The following NTRK1 variants were observed in gnomAD, a reference collection of about 807,000 sequenced individuals.
The protein encoded by NTRK1 is high affinity nerve growth factor receptor.
In NTRK1, 62 loss-of-function variants were observed where a neutral mutation model predicts 86.8. The observed-to-expected ratio is 0.71, with a 90% CI of 0.58 to 0.88. The LOEUF (loss-of-function observed/expected upper bound fraction) is 0.88. NTRK1 is among the 40% of genes least tolerant of loss of function. NTRK1 has a pLI of 0.00. For missense variants in NTRK1, 967 were observed against 1,078.4 expected (o/e 0.90, Z 1.45); for synonymous variants, 469 against 456.6 (o/e 1.03, Z -0.35).
At chr1:156,872,147 A>G (rs933469480) in intron 7 of NTRK1, among the ~76,000 whole-genome samples, 3 of 152,304 alleles carry the variant, frequency 2.0e-5, no homozygotes, top group Non-Finnish European at 4.4e-5. Flanking sequence ...TAATTTCTCT[A>G]GATCAGCCAA....
Position 156,880,116 on chromosome 1 carries a change from A to G in NTRK1, c.2164A>G (p.Thr722Ala), listed in dbSNP as rs762163798. 6.2e-6 allele frequency: 10 copies of G among 1,612,416 alleles called. No homozygotes were observed. Among genetic ancestry groups the G allele is most frequent in the Non-Finnish European group, 8.5e-6 (10 of 1,179,840 alleles). The change falls in exon 16 of 17, where the codon ACC (threonine) becomes GCC (alanine). Residue 722 changes from threonine to alanine, a missense_variant. Physicochemically the swap from Thr to Ala is moderately conservative, Grantham distance 58. Coordinates refer to ENST00000524377, the MANE Select transcript of NTRK1 (RefSeq NM_002529.4). ...SFGVVLWEIF[T>A]YGKQPWYQLS... ...CGGCGTGGTGCTCTGGGAGATCTTC[A>G]CCTACGGCAAGCAGCCCTGGTACCA...
chr1:156,881,077 C>T (rs1032436478), intron 16 of NTRK1, among the ~76,000 whole-genome samples: 1 of 152,172 alleles, frequency 6.6e-6, no homozygotes. Flanking sequence ...TCTTTTCTCT[C>T]TCTGGAGCTG....
At position 156,876,603 on chromosome 1, in the gene NTRK1, G is replaced by A. The variant is rs189859960; in HGVS notation, c.1805+31G>A. On this transcript the variant is annotated intron_variant, in intron 14 of 16. Transcript: ENST00000524377. ...AGCACCTGGCCTCAGCGCTGGCCCC[G>A]GCCCCTGGCTCTGGGCCCCGTCTTC... 239 of 1,595,514 alleles carry A rather than the reference G, an allele frequency of 1.5e-4. 1 individual carries two copies. Among genetic ancestry groups the A allele is most frequent in the East Asian group, 4.5e-5 (2 of 44,098 alleles).
At position 156,852,755 on chromosome 1, in the gene NTRK1, G is replaced by A. The variant is rs141836653; in HGVS notation, c.50+10562G>A. On this transcript the variant is annotated intron_variant, in intron 2 of 16. Transcript: ENST00000392302. ...CACAGTGGTAGCTGGCTGGCTATGGGAGCGATCTGTGGGGTAGGGGTCAGC... is the reference window on the plus strand; with the variant it reads ...CACAGTGGTAGCTGGCTGGCTATGGAAGCGATCTGTGGGGTAGGGGTCAGC... Among the ~76,000 whole-genome samples the A allele has an allele frequency of 9.6e-4, 146 of 152,336 alleles. 1 individual carries two copies. Among genetic ancestry groups the A allele is most frequent in the Non-Finnish European group, 1.6e-3 (112 of 68,012 alleles).
upstream of NTRK1, chr1:156,858,552 G>A: frequency 6.2e-7 from 1 of 1,613,864 alleles, no homozygotes. Context: ...ACTGTATCCA[G>A]GCCAAATCCC....
upstream of NTRK1, chr1:156,858,709 A>G: frequency 9.0e-7 from 1 of 1,116,900 alleles, no homozygotes; most frequent in Non-Finnish European, 1.4e-6. Flanking sequence ...GGACACAGAG[A>G]CCAGGGTTCA....
intron 6 of NTRK1, among the ~76,000 whole-genome samples, chr1:156,869,053 T>TTCCG (rs1647383574): frequency 6.8e-6 from 1 of 147,968 alleles, no homozygotes; most frequent in African/African-American, 2.5e-5. Context: ...CCTTCCTTCC[T>TTCCG]TCCTTCCTTC....
chr1:156,850,116 G>C (rs1655150669), intron 2 of NTRK1, among the ~76,000 whole-genome samples: 1 of 152,064 alleles, frequency 6.6e-6, no homozygotes, highest in South Asian at 2.1e-4. Flanking sequence ...TGCCCAGGCT[G>C]GTCTCTAACT....
In NTRK1 at chr1:156,868,632, G is replaced by A. The variant is rs1482226460; in HGVS notation, c.702G>A (p.Gln234=). Residue 234 remains glutamine, a synonymous_variant, in exon 6 of 17, where the codon CAG becomes CAA. Coordinates refer to ENST00000524377, the MANE Select transcript of NTRK1 (RefSeq NM_002529.4). The stretch of plus-strand genomic sequence containing the variant: ...GCTGGATCCTCACAGAGCTGGAGCA[G>A]TCAGCCACGGTGATGGTGAGAAGAC... The part of the protein sequence containing the change: ...QAGWILTELE[Q]SATVMKSGGL... 1 of 1,550,926 alleles carries A rather than the reference G, an allele frequency of 6.4e-7. No homozygotes were observed. Among genetic ancestry groups the A allele is most frequent in the South Asian group, 1.2e-5 (1 of 84,050 alleles).
Position 156,868,535 on chromosome 1 carries a change from A to G in NTRK1, c.605A>G (p.Asn202Ser), listed in dbSNP as rs1475036463. The change falls in exon 6 of 17, where the codon AAT (asparagine) becomes AGT (serine). Residue 202 changes from asparagine to serine, a missense_variant. Physicochemically the swap from Asn to Ser is conservative, Grantham distance 46. Around this residue, in one of 2 missense-constraint regions of NTRK1, gnomAD observed 330 missense variants for 302.0 expected, o/e 1.09. Coordinates refer to ENST00000524377, the MANE Select transcript of NTRK1 (RefSeq NM_002529.4). ...GVPTLKVQVP[N>S]ASVDVGDDVL... The stretch of plus-strand genomic sequence containing the variant: ...CCCACGCTGAAGGTCCAGGTGCCCA[A>G]TGCCTCGGTGGATGTGGGGGACGAC... The G allele has an allele frequency of 1.9e-5, 29 of 1,559,172 alleles. No individual in the cohort carries two copies. Among genetic ancestry groups the G allele is most frequent in the East Asian group, 4.8e-5 (2 of 41,592 alleles).
chr1:156,844,845 T>G, intron 2 of NTRK1: 1 of 1,613,904 alleles, frequency 6.2e-7, no homozygotes, highest in Non-Finnish European at 8.5e-7. Context: ...CAGCCTCTCC[T>G]GCGGGAAGGG....
chr1:156,843,064 C>T, intron 2 of NTRK1: 1 of 1,614,222 alleles, frequency 6.2e-7, no homozygotes, highest in African/African-American at 1.3e-5. Context: ...CAATGCATTC[C>T]CGTGGGCTGG....
chr1:156,833,470 T>A (rs980361216), intron 1 of NTRK1, among the ~76,000 whole-genome samples: 1 of 152,074 alleles, frequency 6.6e-6, no homozygotes, highest in African/African-American at 2.4e-5. Flanking sequence ...GGCAGGAGAA[T>A]TGCTTGACCC....
Position 156,873,661 on chromosome 1 carries a change from G to A in NTRK1, c.879G>A (p.Ala293=), listed in dbSNP as rs766259168. 17 of 1,610,450 alleles carry A rather than the reference G, an allele frequency of 1.1e-5. No individual in the cohort carries two copies. Among genetic ancestry groups the A allele is most frequent in the East Asian group, 2.2e-5 (1 of 44,838 alleles). The part of the protein sequence containing the change: ...SFPASVQLHT[A]VEMHHWCIPF... ...CGGCCAGTGTGCAGCTGCACACGGC[G>A]GTGGAGATGCACCACTGGTGCATCC... Residue 293 remains alanine, a synonymous_variant, in exon 8 of 17, where the codon GCG becomes GCA. Transcript: ENST00000524377.
chr1:156,847,396 C>T (rs903424570), intron 2 of NTRK1, among the ~76,000 whole-genome samples: 1 of 152,222 alleles, frequency 6.6e-6, no homozygotes, highest in African/African-American at 2.4e-5. Flanking sequence ...GGAAGCATCA[C>T]TGGCTTTAGG....
At chr1:156,852,284 A>G in intron 2 of NTRK1, 1 of 1,263,406 alleles carries the variant, frequency 7.9e-7, no homozygotes. Context: ...TCTTGGGATG[A>G]CACTCAATCT....
chr1:156,878,803 T>C (rs1031253884), intron 14 of NTRK1, among the ~76,000 whole-genome samples: 23 of 151,998 alleles, frequency 1.5e-4, no homozygotes, highest in African/African-American at 5.6e-4. Flanking sequence ...CGAGCTCCAA[T>C]TGGCAAGGGC....
At chr1:156,868,004 C>G in intron 4 of NTRK1, 100 bp from the exon 5 acceptor site, 2 of 1,329,902 alleles carry the variant, frequency 1.5e-6, no homozygotes, top group South Asian at 2.4e-5. Context: ...CTCCCTTTCA[C>G]CTGTAGACGG....
rs770460134 is a variant in NTRK1 at position 156,851,655 on chromosome 1, G to A, written c.50+9462G>A. 23 of 1,614,208 alleles carry A rather than the reference G, an allele frequency of 1.4e-5. No homozygotes were observed. In the East Asian group the frequency reaches 4.0e-4, roughly 28 times the overall value. On this transcript the variant is annotated intron_variant, in intron 2 of 16. Coordinates refer to the NTRK1 transcript ENST00000392302. ...CAAAGTAGGTACTGACAGCCCTGGC[G>A]AAGGTTGAGGATGAGGCTTCCCTCC... is the stretch of plus-strand genomic sequence containing the variant.
Sources: gnomAD v4.1 joint callset for allele counts (sites outside exome capture counted in the v4.1 genomes callset) on GRCh38, gnomAD v4.1.1 for gene constraint, gnomAD v4.1.1 regional missense constraint, MANE v1.5 for transcripts, NCBI Gene and HGNC (gene_info 2026-07-23, HGNC 2026-07-21) for gene names.